NSG1: variants seen among roughly 807,000 people sequenced by gnomAD.
NSG1 encodes neuronal vesicle trafficking-associated protein 1.
In NSG1, 9 loss-of-function variants were observed where a neutral mutation model predicts 19.3. The ratio of observed to expected loss-of-function variants is 0.47; its 90% CI spans 0.28 to 0.81. NSG1 has a LOEUF of 0.81. Among genes scored for constraint, NSG1 ranks in the 40% least tolerant of loss-of-function variants. The pLI, the probability that NSG1 is intolerant of heterozygous loss-of-function variation, is 0.11. For synonymous variants in NSG1, 104 were observed against 107.0 expected (o/e 0.97, Z 0.17); for missense variants, 236 against 242.4 (o/e 0.97, Z 0.18).
intron 3 of NSG1, among the ~76,000 whole-genome samples, chr4:4,392,730 G>T (rs979546709): frequency 2.0e-5 from 3 of 152,154 alleles, no homozygotes; most frequent in African/African-American, 7.2e-5. Context: ...GTTGCTGTGG[G>T]GCAATTACTT....
In NSG1 at chr4:4,387,850, G is replaced by T. The variant is rs992099261; in HGVS notation, c.129+92G>T. The T allele has an allele frequency of 3.7e-6, 4 of 1,087,578 alleles. No homozygotes were observed. In the African/African-American group the frequency reaches 6.3e-5, roughly 17 times the overall value. 67.4% of individuals were successfully genotyped at this position (1,087,578 alleles called of 1,614,324 possible). On this transcript the variant is annotated intron_variant, in intron 2 of 4. Coordinates refer to ENST00000621129, the MANE Select transcript of NSG1 (RefSeq NM_014392.5). ...CAAAAGAAACGCGCCGCGTGCGCTGGGTACGCGAAGTGGGGGCGGGCTCGG... is the reference window on the plus strand; with the variant it reads ...CAAAAGAAACGCGCCGCGTGCGCTGTGTACGCGAAGTGGGGGCGGGCTCGG...
chr4:4,402,413 A>G (rs1346574801), intron 3 of NSG1, among the ~76,000 whole-genome samples: 22 of 84,268 alleles, frequency 2.6e-4, no homozygotes, highest in Admixed American at 1.2e-3. Context: ...TTTGAGACGG[A>G]GTCTTGCTCT....
chr4:4,409,733 G>A (rs780362134), intron 4 of NSG1, 50 bp downstream of exon 4: 9 of 1,429,338 alleles, frequency 6.3e-6, no homozygotes, highest in Non-Finnish European at 8.9e-6. Flanking sequence ...TGCACCCCAT[G>A]TTCTCTCCCT....
chr4:4,392,554 G>A (rs1426532769), intron 3 of NSG1, among the ~76,000 whole-genome samples: 1 of 152,184 alleles, frequency 6.6e-6, no homozygotes, highest in Non-Finnish European at 1.5e-5. Flanking sequence ...TGACAACCTT[G>A]TGGATCACAG....
upstream of NSG1, chr4:4,386,987 G>C (rs1039519174): frequency 2.2e-5 from 3 of 139,222 alleles, no homozygotes; most frequent in Admixed American, 1.5e-4. Flanking sequence ...ACCCACCCGC[G>C]CGCACCCAGC....
intron 1 of NSG1, 48 bp from the exon 2 acceptor site, chr4:4,387,556 C>CCCCCCCGGGGGGGGGGGGGGGGGG: frequency 1.3e-6 from 1 of 741,702 alleles, no homozygotes; most frequent in Non-Finnish European, 2.1e-6. Flanking sequence ...CCCCCCGCCC[C>CCCCCCCGGGGGGGGGGGGGGGGGG]GCCCCGGGTC....
chr4:4,413,656 G>C (rs1724352855), intron 4 of NSG1, among the ~76,000 whole-genome samples: 1 of 151,668 alleles, frequency 6.6e-6, no homozygotes, highest in Non-Finnish European at 1.5e-5. Flanking sequence ...AGGCGGCAGA[G>C]GATGAACCAG....
At position 4,387,604 on chromosome 4, in the gene NSG1, G is replaced by A. The variant is rs75977369; in HGVS notation, c.-26G>A. ...ACTCCCCCCGGCCCTCCCGCCGCAG[G>A]CTGCAGCCTCGGAGCTCCCGGAACG... On this transcript the variant is annotated splice_region_variant and 5_prime_UTR_variant, in exon 2 of 5. Coordinates refer to ENST00000621129, the MANE Select transcript of NSG1 (RefSeq NM_014392.5). 2,024 of 1,595,874 alleles carry A rather than the reference G, an allele frequency of 1.3e-3. 25 individuals are homozygous for A. The African/African-American group carries it at 0.024, about 19-fold the overall frequency.
At chr4:4,415,023 C>T (rs1348500052) in intron 4 of NSG1, among the ~76,000 whole-genome samples, 1 of 152,008 alleles carries the variant, frequency 6.6e-6, no homozygotes, top group Non-Finnish European at 1.5e-5. Flanking sequence ...GGGGAAAGTG[C>T]CCCAAATCCC....
At chr4:4,387,544 T>TCCC in intron 1 of NSG1, 60 bp from the exon 2 acceptor site, 6 of 520,918 alleles carry the variant, frequency 1.2e-5, no homozygotes, top group South Asian at 3.8e-5. Flanking sequence ...GGTGCCCACT[T>TCCC]CCCCCCCGCC....
At chr4:4,406,663 C>G (rs528591551) in intron 3 of NSG1, among the ~76,000 whole-genome samples, 3 of 152,156 alleles carry the variant, frequency 2.0e-5, no homozygotes, top group Admixed American at 6.5e-5. Context: ...CAGACAGCTC[C>G]GTCATGCTCC....
rs114191860 is a variant in NSG1 at position 4,404,008 on chromosome 4, C to T, written c.247-5565C>T. On this transcript the variant is annotated intron_variant, in intron 3 of 4. Coordinates refer to ENST00000621129, the MANE Select transcript of NSG1 (RefSeq NM_014392.5). ...CTGGAGAGTTTTAAACTTGCTATGC[C>T]GCTATCGCTACTTGGAGTGGAGTCC... 5.2e-3 allele frequency among the ~76,000 whole-genome samples: 785 copies of T among 152,274 alleles called. 2 individuals are homozygous for T. Among genetic ancestry groups the T allele is most frequent in the African/African-American group, 0.018 (752 of 41,560 alleles).
intron 3 of NSG1, among the ~76,000 whole-genome samples, chr4:4,401,420 A>G (rs1235811979): frequency 1.3e-5 from 2 of 152,086 alleles, no homozygotes; most frequent in East Asian, 1.9e-4. Context: ...AGGGTGTGCG[A>G]TGCTGCAGCC....
At chr4:4,391,674 GC>G in intron 3 of NSG1, 83 bp downstream of exon 3, 1 of 902,030 alleles carries the variant, frequency 1.1e-6, no homozygotes, top group Non-Finnish European at 1.7e-6. Context: ...TGCAGGGAGG[GC>G]CAGGGTTTGA....
At chr4:4,387,416 G>C (rs1348248875) in intron 1 of NSG1, among the ~76,000 whole-genome samples, 188 bp from the exon 2 acceptor site, 1 of 152,152 alleles carries the variant, frequency 6.6e-6, no homozygotes, top group Non-Finnish European at 1.5e-5. Context: ...TGAGGGTCTA[G>C]AAATACACAG....
intron 4 of NSG1, among the ~76,000 whole-genome samples, chr4:4,410,207 A>T (rs772206638): frequency 1.4e-4 from 22 of 152,186 alleles, no homozygotes; most frequent in Non-Finnish European, 2.6e-4. Flanking sequence ...GTCCCACCGC[A>T]GGAGCCACAC....
intron 4 of NSG1, among the ~76,000 whole-genome samples, chr4:4,414,356 A>G (rs1049088060): frequency 1.6e-4 from 25 of 151,820 alleles, no homozygotes; most frequent in African/African-American, 5.3e-4. Flanking sequence ...TTGGGAATTG[A>G]GAGTCCCCTG....
chr4:4,391,692 TTGTC>T, intron 3 of NSG1, 101 bp downstream of exon 3: 1 of 690,432 alleles, frequency 1.4e-6, no homozygotes, highest in Admixed American at 2.8e-5. Flanking sequence ...TTGACGCCGT[TTGTC>T]TGGGCTCATC....
chr4:4,397,173 G>C (rs1361201821), intron 3 of NSG1, among the ~76,000 whole-genome samples: 6 of 147,248 alleles, frequency 4.1e-5, no homozygotes, highest in Non-Finnish European at 8.9e-5. Flanking sequence ...TTTTTAAACT[G>C]AATTACTCAG....
Sources: gnomAD v4.1 joint callset for allele counts (sites outside exome capture counted in the v4.1 genomes callset) on GRCh38, gnomAD v4.1.1 for gene constraint, MANE v1.5 for transcripts, NCBI Gene and HGNC (gene_info 2026-07-23, HGNC 2026-07-21) for gene names.